The following C1QBP variants were observed in gnomAD, a reference collection of about 807,000 sequenced individuals.
C1QBP encodes complement C1q binding protein, also known as complement component 1 Q subcomponent-binding protein, mitochondrial.
C1QBP carries 24 observed loss-of-function variants against 29.4 expected under a neutral mutation model. That is an observed-to-expected ratio of 0.82 (90% CI 0.59 to 1.15). C1QBP has a LOEUF of 1.15. Among genes scored for constraint, C1QBP ranks in the 50% most tolerant of loss-of-function variants. The pLI is 0.00. For synonymous variants in C1QBP, 182 were observed against 149.2 expected (o/e 1.22, Z -1.60); for missense variants, 337 against 355.8 (o/e 0.95, Z 0.43).
Position 5,434,858 on chromosome 17 carries a change from A to G in C1QBP, c.477+15T>C. The stretch of plus-strand genomic sequence containing the variant: ...GTCAGAACTGAGGTAAAAGCTGATT[A>G]TAGTATTAGCTTACCTCCTGTTCTT... On this transcript the variant is annotated intron_variant, in intron 3 of 5. Coordinates refer to ENST00000225698, the MANE Select transcript of C1QBP (RefSeq NM_001212.4). 4 of 1,600,050 alleles carry G rather than the reference A, an allele frequency of 2.5e-6. No homozygotes were observed. The highest frequency in any genetic ancestry group is 3.4e-6 in the Non-Finnish European group (4 of 1,167,352).
At chr17:5,436,835 C>T (rs572786412) in intron 2 of C1QBP, among the ~76,000 whole-genome samples, 6 of 152,112 alleles carry the variant, frequency 3.9e-5, no homozygotes, top group South Asian at 4.1e-4. Context: ...CTGGCCAACA[C>T]GGTGAAACCC....
In C1QBP at chr17:5,432,853, T is replaced by G; in HGVS notation, c.*162A>C. 1.0e-6 allele frequency: 1 copy of G among 952,990 alleles called. No homozygotes were observed. The highest frequency in any genetic ancestry group is 1.5e-6 in the Non-Finnish European group (1 of 673,312). The allele number at this position is 952,990 out of a possible 1,614,324, so 59.0% of individuals were successfully genotyped here. ...AATAATAGATTTGTACAGAAAAAAA[T>G]GATAATAAATGAGAACACAAAACAT... On this transcript the variant is annotated 3_prime_UTR_variant, in exon 6 of 6. Coordinates refer to ENST00000225698, the MANE Select transcript of C1QBP (RefSeq NM_001212.4).
At chr17:5,438,041 A>G in intron 2 of C1QBP, 82 bp downstream of exon 2, 2 of 1,515,726 alleles carry the variant, frequency 1.3e-6, no homozygotes, top group South Asian at 1.3e-5. Flanking sequence ...ACCTGAACTC[A>G]AGGCTCTTCT....
chr17:5,438,247 T>C lies in C1QBP; in HGVS notation c.259A>G (p.Ser87Gly). ...TTTCTTTCCTCCTTAATTTCATCAC[T>C]CAGGAAATCAACAAAAGCTTTGTCT... ...DGDKAFVDFL[S>G]DEIKEERKIQ... is the part of the protein sequence containing the mutation. The change falls in exon 2 of 6, where the codon AGT becomes GGT. Residue 87 changes from serine (S) to glycine (G), a missense_variant. Coordinates refer to ENST00000225698, the MANE Select transcript of C1QBP (RefSeq NM_001212.4). 1 of 1,613,992 alleles carries C rather than the reference T, an allele frequency of 6.2e-7. No individual in the cohort carries two copies. The highest frequency in any genetic ancestry group is 8.5e-7 in the Non-Finnish European group (1 of 1,179,982).
chr17:5,438,075 G>C (rs1440124151), intron 2 of C1QBP, 48 bp downstream of exon 2: 3 of 1,591,738 alleles, frequency 1.9e-6, no homozygotes, highest in Non-Finnish European at 2.6e-6. Flanking sequence ...GATGGGTCCT[G>C]CAAGGTTAAG....
At chr17:5,433,499 GA>G (rs1916167438) in intron 4 of C1QBP, 84 bp from the exon 5 acceptor site, 1 of 1,578,858 alleles carries the variant, frequency 6.3e-7, no homozygotes, top group East Asian at 2.2e-5. Context: ...CTGACAGCAT[GA>G]AACTCATCAG....
rs891509058 is a variant in C1QBP at position 5,438,860 on chromosome 17, C to A, written c.214G>T (p.Gly72Cys). Reference sequence around the variant, plus strand: ...ACCTCACCGTCGGTGTGCAGCGAGCCGCAGCCACAGCCACAGGCGCAGGGT... The same window carrying A: ...ACCTCACCGTCGGTGTGCAGCGAGCAGCAGCCACAGCCACAGGCGCAGGGT... ...RGPCACGCGC[G>C]SLHTDGDKAF... is the part of the protein sequence containing the mutation. The change falls in exon 1 of 6, where the codon GGC becomes TGC. Residue 72 changes from glycine to cysteine, a missense_variant. Coordinates refer to ENST00000225698, the MANE Select transcript of C1QBP (RefSeq NM_001212.4). 3 of 1,545,980 alleles carry A rather than the reference C, an allele frequency of 1.9e-6. No homozygotes were observed. The highest frequency in any genetic ancestry group is 2.6e-6 in the Non-Finnish European group (3 of 1,145,704).
At position 5,438,110 on chromosome 17, in the gene C1QBP, G is replaced by T. The variant is rs764574509; in HGVS notation, c.383+13C>A. ...GGGAGTTGCTGCCCTGGGATCCCCA[G>T]ACCAGTACTTACTTTTCCCCGGCAA... On this transcript the variant is annotated intron_variant, in intron 2 of 5. Transcript: ENST00000225698. 1 of 1,611,478 alleles carries T rather than the reference G, an allele frequency of 6.2e-7. No homozygotes were observed. The highest frequency in any genetic ancestry group is 8.5e-7 in the Non-Finnish European group (1 of 1,179,566).
chr17:5,433,610 T>G (rs761812093), intron 4 of C1QBP, 59 bp downstream of exon 4: 33 of 1,568,866 alleles, frequency 2.1e-5, no homozygotes, highest in Non-Finnish European at 2.9e-5. Flanking sequence ...GACAGGAAGT[T>G]CCCAAGGGAC....
intron 1 of C1QBP, 60 bp downstream of exon 1, chr17:5,438,782 C>A: frequency 6.5e-7 from 1 of 1,545,156 alleles, no homozygotes; most frequent in Non-Finnish European, 8.7e-7. Context: ...AGGCCCTATT[C>A]CTGGTCTACG....
chr17:5,434,940 T>G lies in C1QBP; in HGVS notation c.410A>C (p.Asn137Thr), dbSNP rs746657078. ...EKITVTFNIN[N>T]SIPPTFDGEE... ...ACCATCAAATGTTGGTGGGATGCTG[T>G]TGTTAATGTTGAAAGTGACCGTGAT... Residue 137 changes from asparagine (N) to threonine (T), a missense_variant, in exon 3 of 6, where the codon AAC becomes ACC. Coordinates refer to ENST00000225698, the MANE Select transcript of C1QBP (RefSeq NM_001212.4). 9 of 1,614,104 alleles carry G rather than the reference T, an allele frequency of 5.6e-6. No individual in the cohort carries two copies. Among genetic ancestry groups the G allele is most frequent in the Non-Finnish European group, 5.9e-6 (7 of 1,179,974 alleles).
intron 3 of C1QBP, 109 bp downstream of exon 3, chr17:5,434,764 C>T (rs985128055): frequency 1.0e-6 from 1 of 986,408 alleles, no homozygotes; most frequent in South Asian, 1.6e-5. Flanking sequence ...TGCGACTGGA[C>T]TTAGAGGAAT....
In C1QBP at chr17:5,433,324, TTA is replaced by T; in HGVS notation, c.666_667del (p.Asn223LeufsTer14). 6.2e-7 allele frequency: 1 copy of T among 1,614,190 alleles called. No individual in the cohort carries two copies. The highest frequency in any genetic ancestry group is 8.5e-7 in the Non-Finnish European group (1 of 1,180,036). ...CAAGGAATCTGTGTTGAGTGTATAA[TTA>T]GTATCCTTCCATTCAGACTCGCCAG... On this transcript the variant is annotated frameshift_variant, in exon 5 of 6. Coordinates refer to ENST00000225698, the MANE Select transcript of C1QBP (RefSeq NM_001212.4). LOFTEE classifies it high-confidence loss of function.
At chr17:5,437,011 G>T (rs942524467) in intron 2 of C1QBP, among the ~76,000 whole-genome samples, 4 of 151,956 alleles carry the variant, frequency 2.6e-5, no homozygotes, top group East Asian at 1.9e-4. Context: ...CGTGGGGTTG[G>T]GGGGGGAAGC....
chr17:5,437,391 C>T (rs951177123), intron 2 of C1QBP, among the ~76,000 whole-genome samples: 3 of 152,236 alleles, frequency 2.0e-5, no homozygotes, highest in Non-Finnish European at 4.4e-5. Context: ...GGCTGGAGCG[C>T]GGTGGCGCGA....
In C1QBP at chr17:5,432,990, C is replaced by G; in HGVS notation, c.*25G>C. ...TCACTGGCCAAAGCCTGCCATGAAACTATGGCTTTCAGCATCTGTCTGCTC... is the reference window on the plus strand; with the variant it reads ...TCACTGGCCAAAGCCTGCCATGAAAGTATGGCTTTCAGCATCTGTCTGCTC... On this transcript the variant is annotated 3_prime_UTR_variant, in exon 6 of 6. Transcript: ENST00000225698. 1.3e-6 allele frequency: 2 copies of G among 1,599,850 alleles called. No homozygotes were observed. The highest frequency in any genetic ancestry group is 1.8e-5 in the Admixed American group (1 of 56,980).
chr17:5,435,874 C>CAAAAA (rs200057698), intron 2 of C1QBP, among the ~76,000 whole-genome samples: 2 of 105,650 alleles, frequency 1.9e-5, no homozygotes, highest in Non-Finnish European at 3.7e-5. Flanking sequence ...CTAAAAAATA[C>CAAAAA]AAAAAAAAAA....
At chr17:5,436,074 A>C (rs1437099357) in intron 2 of C1QBP, among the ~76,000 whole-genome samples, 1 of 148,492 alleles carries the variant, frequency 6.7e-6, no homozygotes, top group Non-Finnish European at 1.5e-5. Flanking sequence ...AGAGTACATG[A>C]AGTGCCGCCC....
intron 2 of C1QBP, among the ~76,000 whole-genome samples, chr17:5,435,430 T>G (rs945592422): frequency 8.6e-5 from 13 of 152,012 alleles, no homozygotes; most frequent in African/African-American, 2.9e-4. Flanking sequence ...GTCAGAAAAT[T>G]TGCCCTGCAA....
Sources: allele counts gnomAD v4.1 joint callset (sites outside exome capture counted in the v4.1 genomes callset), GRCh38; gene constraint gnomAD v4.1.1; transcripts MANE v1.5; gene names NCBI Gene and HGNC (gene_info 2026-07-23, HGNC 2026-07-21).